The following PRKAR1B variants were observed in gnomAD, a reference collection of about 807,000 sequenced individuals.
PRKAR1B encodes the protein cAMP-dependent protein kinase type I-beta regulatory subunit.
PRKAR1B carries 22 observed loss-of-function variants against 46.5 expected under a neutral mutation model. That is an observed-to-expected ratio of 0.47 (90% CI 0.34 to 0.68). The LOEUF (loss-of-function observed/expected upper bound fraction) is 0.68. Ranked by LOEUF, PRKAR1B falls within the 30% of genes least tolerant of loss-of-function variation. The pLI, the probability that PRKAR1B is intolerant of heterozygous loss-of-function variation, is 0.01. For missense variants in PRKAR1B, 445 were observed against 535.6 expected (o/e 0.83, Z 1.67); for synonymous variants, 259 against 217.7 (o/e 1.19, Z -1.67).
intron 4 of PRKAR1B, among the ~76,000 whole-genome samples, chr7:638,992 C>T (rs1784260705): frequency 1.3e-5 from 2 of 152,124 alleles, no homozygotes; most frequent in Admixed American, 6.5e-5. Flanking sequence ...GTAGGAGAAT[C>T]GCTTGAGCCT....
At chr7:638,179 A>C (rs1487070569) in intron 4 of PRKAR1B, among the ~76,000 whole-genome samples, 4 of 152,206 alleles carry the variant, frequency 2.6e-5, no homozygotes, top group Non-Finnish European at 5.9e-5. Flanking sequence ...AGCCTAAAAT[A>C]TCTTTAGAAA....
intron 5 of PRKAR1B, 80 bp from the exon 6 acceptor site, chr7:606,319 G>GC (rs974438494): frequency 7.3e-7 from 1 of 1,377,560 alleles, no homozygotes. Flanking sequence ...AACGACTTTC[G>GC]CAACACTGTT....
chr7:577,691 C>T (rs1440013585), intron 9 of PRKAR1B, among the ~76,000 whole-genome samples: 1 of 152,032 alleles, frequency 6.6e-6, no homozygotes, highest in African/African-American at 2.4e-5. Context: ...GAGGGGGCTT[C>T]AGATCGCCGG....
At chr7:600,601 T>G (rs564859792) in intron 6 of PRKAR1B, among the ~76,000 whole-genome samples, 1 of 152,140 alleles carries the variant, frequency 6.6e-6, no homozygotes, top group East Asian at 2.0e-4. Context: ...TACACCCAGC[T>G]GCCTGGCGGT....
Position 572,946 on chromosome 7 carries a change from C to T in PRKAR1B, c.891+6310G>A, listed in dbSNP as rs188453922. ...GCGAGGGACCGGCATCTCCTCCACG[C>T]GCTGCTTCAAGAAAAACAAACGGCG... is the stretch of plus-strand genomic sequence containing the variant. On this transcript the variant is annotated intron_variant, in intron 9 of 10. Coordinates refer to ENST00000537384, the MANE Select transcript of PRKAR1B (RefSeq NM_001164760.2). Among the ~76,000 whole-genome samples the T allele has an allele frequency of 2.4e-3, 368 of 152,360 alleles. 2 individuals carry two copies. Among genetic ancestry groups the T allele is most frequent in the African/African-American group, 8.2e-3 (343 of 41,590 alleles).
At chr7:587,674 C>T (rs1211636085) in intron 7 of PRKAR1B, among the ~76,000 whole-genome samples, 1 of 152,202 alleles carries the variant, frequency 6.6e-6, no homozygotes, top group Non-Finnish European at 1.5e-5. Flanking sequence ...AAAGAGCAGC[C>T]CTGGGGACAC....
chr7:644,228 T>C lies in PRKAR1B; in HGVS notation c.440+33001A>G, dbSNP rs1038776034. ...ACCTGCGTCAGGATGAACCCTCATA[T>C]TATAGAATGACTCCCCTGTTCAAGG... On this transcript the variant is annotated intron_variant, in intron 4 of 10. Coordinates refer to ENST00000537384, the MANE Select transcript of PRKAR1B (RefSeq NM_001164760.2). This position sits in a 1 kb window ranked among gnomAD's most constrained non-coding sequence, Gnocchi z 4.9. Among the ~76,000 whole-genome samples the C allele has an allele frequency of 2.0e-5, 3 of 152,052 alleles. No individual in the cohort carries two copies. The highest frequency in any genetic ancestry group is 7.2e-5 in the African/African-American group (3 of 41,384).
At chr7:711,590 C>CGCAG in intron 1 of PRKAR1B, 63 bp from the exon 2 acceptor site, 1 of 1,437,110 alleles carries the variant, frequency 7.0e-7, no homozygotes, top group East Asian at 2.3e-5. Flanking sequence ...GCCGGATAAA[C>CGCAG]GCAGGCGGCG....
intron 3 of PRKAR1B, 33 bp from the exon 4 acceptor site, chr7:677,353 C>T (rs747501509): frequency 2.7e-5 from 43 of 1,596,782 alleles, no homozygotes; most frequent in Non-Finnish European, 3.4e-5. Context: ...CCGTGTGAGC[C>T]ACCCTGGCCT....
chr7:605,935 G>A (rs577306285), intron 6 of PRKAR1B, among the ~76,000 whole-genome samples: 25 of 152,304 alleles, frequency 1.6e-4, no homozygotes, highest in Admixed American at 1.5e-3. Context: ...GCAGCCCGGG[G>A]GCAAGCGGAA....
intron 2 of PRKAR1B, among the ~76,000 whole-genome samples, chr7:706,676 C>T (rs556849098): frequency 6.6e-6 from 1 of 151,012 alleles, no homozygotes; most frequent in African/African-American, 2.4e-5. Context: ...CCGCCCGCCT[C>T]AGCCTCCCAA....
rs538652838 is a variant in PRKAR1B, at chr7:591,590, C to T, written c.708+4556G>A. Among the ~76,000 whole-genome samples, 51 of 152,316 alleles carry T rather than the reference C, an allele frequency of 3.3e-4. 1 individual carries two copies. In the South Asian group the frequency reaches 7.5e-3, roughly 22 times the overall value. On this transcript the variant is annotated intron_variant, in intron 7 of 10. Transcript: ENST00000537384. ...GGCTGCCAGGTGCAGCAGCTCACGC[C>T]TATAATTCCAGCACTCTGGGAGGCC...
At chr7:565,991 G>A (rs1035498411) in intron 9 of PRKAR1B, among the ~76,000 whole-genome samples, 3 of 152,186 alleles carry the variant, frequency 2.0e-5, no homozygotes, top group Admixed American at 6.5e-5. Context: ...CTGAACTCAT[G>A]GAATTTTCCT....
intron 8 of PRKAR1B, among the ~76,000 whole-genome samples, chr7:583,571 C>T (rs573530078): frequency 1.9e-4 from 13 of 67,092 alleles, no homozygotes; most frequent in Non-Finnish European, 1.7e-4. Context: ...CACACCCATG[C>T]ACACACACTT....
chr7:618,724 T>A (rs968262854), intron 4 of PRKAR1B, among the ~76,000 whole-genome samples: 4 of 152,242 alleles, frequency 2.6e-5, no homozygotes, highest in African/African-American at 9.6e-5. Context: ...AACTTCCTGT[T>A]CATATCCTGT....
chr7:661,510 T>A (rs112600632), intron 4 of PRKAR1B, among the ~76,000 whole-genome samples: 1 of 80,476 alleles, frequency 1.2e-5, no homozygotes, highest in Non-Finnish European at 2.4e-5. Flanking sequence ...TTCCCCTCCA[T>A]GGCACAGGTC....
intron 1 of PRKAR1B, among the ~76,000 whole-genome samples, chr7:723,863 C>A (rs1209978407): frequency 6.6e-6 from 1 of 152,220 alleles, no homozygotes; most frequent in Admixed American, 6.5e-5. Flanking sequence ...GCACACCAGG[C>A]TGGGCAGCTG....
upstream of PRKAR1B, chr7:727,344 GCCACCCCACACTCTC>G: frequency 8.6e-7 from 1 of 1,165,704 alleles, no homozygotes; most frequent in Non-Finnish European, 1.1e-6. Context: ...GCTCCCACAC[GCCACCCCACACTCTC>G]ACCCCCACCT....
At chr7:720,842 G>A (rs1292413537) in intron 1 of PRKAR1B, among the ~76,000 whole-genome samples, 1 of 152,172 alleles carries the variant, frequency 6.6e-6, no homozygotes, top group East Asian at 1.9e-4. Flanking sequence ...TATTATGTTT[G>A]AAGTGAGCTT....
Sources: gnomAD v4.1 joint callset for allele counts (sites outside exome capture counted in the v4.1 genomes callset) on GRCh38, gnomAD v4.1.1 for gene constraint, Gnocchi (gnomAD v3.1) non-coding constraint, MANE v1.5 for transcripts, NCBI Gene and HGNC (gene_info 2026-07-23, HGNC 2026-07-21) for gene names.